The following KDM6A variants were observed in gnomAD, a reference collection of about 807,000 sequenced individuals.
KDM6A encodes lysine demethylase 6A.
Under a neutral mutation model 117.6 loss-of-function variants are expected in KDM6A, and 11 were observed. The observed-to-expected ratio is 0.09, with a 90% CI of 0.06 to 0.15. The LOEUF is 0.15. Ranked by LOEUF, KDM6A falls within the 10% of genes least tolerant of loss-of-function variation. KDM6A has a pLI of 1.00. For missense variants in KDM6A, 799 were observed against 1,077.3 expected (o/e 0.74, Z 3.62); for synonymous variants, 384 against 396.1 (o/e 0.97, Z 0.36).
At chrX:44,875,141 G>A (rs1158743577) in intron 2 of KDM6A, among the ~76,000 whole-genome samples, 1 of 112,183 alleles carries the variant, frequency 8.9e-6, no homozygotes, top group Non-Finnish European at 1.9e-5. Flanking sequence ...TGTTGTATCC[G>A]TTAGACATTT....
intron 5 of KDM6A, among the ~76,000 whole-genome samples, chrX:45,016,657 G>A (rs189264758): frequency 5.4e-5 from 6 of 110,408 alleles, no homozygotes; most frequent in Non-Finnish European, 9.5e-5. Flanking sequence ...GTGCCACCAC[G>A]CCCAGCTAAT....
intron 6 of KDM6A, among the ~76,000 whole-genome samples, chrX:45,028,620 A>G (rs924497343): frequency 1.8e-5 from 2 of 111,640 alleles, no homozygotes; most frequent in Non-Finnish European, 3.8e-5. Context: ...TTTGTTTTCT[A>G]CTTTTTCTCA....
chrX:44,992,198 GTCT>G (rs1569508920), intron 4 of KDM6A, among the ~76,000 whole-genome samples: 24 of 76,312 alleles, frequency 3.1e-4, no homozygotes, highest in South Asian at 7.7e-4. Flanking sequence ...TAGCAATACT[GTCT>G]TCTTCTTTTT....
chrX:44,940,386 A>C (rs2147029916), intron 2 of KDM6A, among the ~76,000 whole-genome samples: 1 of 111,686 alleles, frequency 9.0e-6, no homozygotes, highest in South Asian at 3.7e-4. Flanking sequence ...CATTATCAAA[A>C]AGTTACATTC....
At chrX:44,904,039 C>G (rs1399387059) in intron 2 of KDM6A, among the ~76,000 whole-genome samples, 3 of 111,717 alleles carry the variant, frequency 2.7e-5, no homozygotes, top group African/African-American at 9.8e-5. Context: ...GAAAACTGGA[C>G]GTTTTATTGT....
At chrX:45,079,481 T>C in intron 21 of KDM6A, 130 bp downstream of exon 21, 1 of 495,709 alleles carries the variant, frequency 2.0e-6, no homozygotes, top group Non-Finnish European at 3.5e-6. Context: ...GTAAGTGTTC[T>C]CCAGTTGTCT....
chrX:44,915,081 A>G (rs989816418), intron 2 of KDM6A, among the ~76,000 whole-genome samples: 2 of 111,711 alleles, frequency 1.8e-5, no homozygotes, highest in Non-Finnish European at 3.8e-5. Context: ...TTTCCTAAGC[A>G]TTGACCCTAG....
At chrX:45,072,910 A>G (rs1032255153) in intron 18 of KDM6A, among the ~76,000 whole-genome samples, 1 of 108,270 alleles carries the variant, frequency 9.2e-6, no homozygotes, top group Admixed American at 1.0e-4. Context: ...TCTAGGGTAC[A>G]TGTGCACAAT....
At chrX:44,911,186 C>T (rs759050783) in intron 2 of KDM6A, among the ~76,000 whole-genome samples, 83 of 107,903 alleles carry the variant, frequency 7.7e-4, no homozygotes, top group African/African-American at 2.5e-3. Context: ...CCCCACCTCC[C>T]GGACGGGGTG....
chrX:44,989,683 G>T (rs191430893), intron 4 of KDM6A, among the ~76,000 whole-genome samples: 4 of 112,411 alleles, frequency 3.6e-5, no homozygotes, highest in Non-Finnish European at 7.5e-5. Context: ...GAAAGTCTCA[G>T]TGGGGATTAG....
In KDM6A at chrX:45,061,362, A is replaced by C; in HGVS notation, c.1524A>C (p.Ser508=). 3 of 1,188,140 alleles carry C rather than the reference A, an allele frequency of 2.5e-6. No individual in the cohort carries two copies. The highest frequency in any genetic ancestry group is 3.4e-6 in the Non-Finnish European group (3 of 875,780). Residue 508 remains serine (S), a synonymous_variant, in exon 15 of 30, where the codon TCA becomes TCC. Coordinates refer to ENST00000611820, the MANE Select transcript of KDM6A (RefSeq NM_001291415.2). Reference sequence around the variant, plus strand: ...ATTGGAGTGGTGGACATGCTGTGTCACATCCTCCAGTACAGCAACAAGCTC... The same window carrying C: ...ATTGGAGTGGTGGACATGCTGTGTCCCATCCTCCAGTACAGCAACAAGCTC... ...SDNWSGGHAV[S]HPPVQQQAHS... is the part of the protein sequence containing the mutation.
chrX:44,877,837 G>A (rs949833792), intron 2 of KDM6A, among the ~76,000 whole-genome samples: 9 of 111,278 alleles, frequency 8.1e-5, no homozygotes, highest in African/African-American at 2.9e-4. Flanking sequence ...ACTTAAAAAT[G>A]TATGTGCTTT....
At chrX:45,109,008 T>C (rs973110372) in intron 28 of KDM6A, among the ~76,000 whole-genome samples, 2 of 100,347 alleles carry the variant, frequency 2.0e-5, no homozygotes, top group African/African-American at 3.6e-5. Flanking sequence ...CTGGGAGATA[T>C]ACCTAATGCT....
At chrX:45,033,396 G>A (rs2042680785) in intron 6 of KDM6A, among the ~76,000 whole-genome samples, 2 of 111,325 alleles carry the variant, frequency 1.8e-5, no homozygotes, top group South Asian at 7.5e-4. Context: ...TATGGCAAAT[G>A]ATTTTTCAGT....
At chrX:44,999,768 G>A (rs773352622) in intron 4 of KDM6A, among the ~76,000 whole-genome samples, 28 of 111,364 alleles carry the variant, frequency 2.5e-4, no homozygotes, top group Non-Finnish European at 4.9e-4. Context: ...TGGATAAGGT[G>A]GAGGATAGTT....
chrX:45,103,064 T>TA (rs776467220), intron 27 of KDM6A, among the ~76,000 whole-genome samples: 1 of 111,354 alleles, frequency 9.0e-6, no homozygotes, highest in Non-Finnish European at 1.9e-5. Flanking sequence ...ATAAAGCATT[T>TA]AAAAGTGCAG....
chrX:44,959,311 A>G (rs980717336), intron 2 of KDM6A, among the ~76,000 whole-genome samples: 1 of 109,703 alleles, frequency 9.1e-6, no homozygotes, highest in African/African-American at 3.3e-5. Flanking sequence ...GATGATCAGC[A>G]TTATGTATAA....
intron 8 of KDM6A, among the ~76,000 whole-genome samples, chrX:45,049,856 T>G (rs2043753717): frequency 8.9e-6 from 1 of 112,724 alleles, no homozygotes; most frequent in African/African-American, 3.2e-5. Context: ...TTGTTTTTCT[T>G]GTATATATTT....
chrX:44,877,749 C>A (rs1357200899), intron 2 of KDM6A, among the ~76,000 whole-genome samples: 1 of 110,212 alleles, frequency 9.1e-6, no homozygotes, highest in Non-Finnish European at 1.9e-5. Flanking sequence ...TTCTTAAATA[C>A]TCTTATTGGA....
Sources: gnomAD v4.1 joint callset for allele counts (sites outside exome capture counted in the v4.1 genomes callset) on GRCh38, gnomAD v4.1.1 for gene constraint, MANE v1.5 for transcripts, NCBI Gene and HGNC (gene_info 2026-07-23, HGNC 2026-07-21) for gene names.